CACNA2D3: variants seen among roughly 807,000 people sequenced by gnomAD.
The protein encoded by CACNA2D3 is calcium voltage-gated channel auxiliary subunit alpha2delta 3, also known as voltage-dependent calcium channel subunit alpha-2/delta-3.
Under a neutral mutation model 160.6 loss-of-function variants are expected in CACNA2D3, and 60 were observed. The observed-to-expected ratio is 0.37, with a 90% CI of 0.30 to 0.46. CACNA2D3 has a LOEUF of 0.46. Among genes scored for constraint, CACNA2D3 ranks in the 20% least tolerant of loss-of-function variants. CACNA2D3 has a pLI of 1.00. For missense variants in CACNA2D3, 1,205 were observed against 1,365.0 expected (o/e 0.88, Z 1.85); for synonymous variants, 558 against 492.9 (o/e 1.13, Z -1.75).
At chr3:55,011,306 C>T (rs1270000747) in intron 34 of CACNA2D3, among the ~76,000 whole-genome samples, 1 of 152,126 alleles carries the variant, frequency 6.6e-6, no homozygotes, top group African/African-American at 2.4e-5. Flanking sequence ...AGGACTGGGA[C>T]CCAATTTTGC....
At chr3:54,793,555 G>A (rs890955545) in intron 13 of CACNA2D3, among the ~76,000 whole-genome samples, 3 of 152,108 alleles carry the variant, frequency 2.0e-5, no homozygotes, top group Non-Finnish European at 4.4e-5. Flanking sequence ...GAGTAACGGG[G>A]TCAGGTTAGA....
intron 35 of CACNA2D3, among the ~76,000 whole-genome samples, chr3:55,020,717 G>C (rs1703429395): frequency 6.6e-6 from 1 of 151,884 alleles, no homozygotes; most frequent in Admixed American, 6.6e-5. Context: ...CAGGCATGGT[G>C]GCGGGCACCT....
At chr3:54,490,391 T>A (rs1471923848) in intron 4 of CACNA2D3, among the ~76,000 whole-genome samples, 1 of 152,180 alleles carries the variant, frequency 6.6e-6, no homozygotes, top group African/African-American at 2.4e-5. Flanking sequence ...TCCCGCTTCA[T>A]GAATGGAATG....
intron 1 of CACNA2D3, 84 bp downstream of exon 1, chr3:54,122,919 C>T: frequency 8.7e-7 from 1 of 1,145,958 alleles, no homozygotes; most frequent in Non-Finnish European, 1.1e-6. Flanking sequence ...CCTGCAGGTG[C>T]GGCTGGGCAG....
At chr3:55,004,947 A>C in intron 32 of CACNA2D3, 109 bp downstream of exon 32, 2 of 730,640 alleles carry the variant, frequency 2.7e-6, no homozygotes, top group Non-Finnish European at 4.5e-6. Flanking sequence ...TTGCAAAATC[A>C]TGAACATTTT....
At chr3:54,646,186 C>CCCTGCTTGCTTG (rs1559537958) in intron 11 of CACNA2D3, among the ~76,000 whole-genome samples, 1 of 6,470 alleles carries the variant, frequency 1.5e-4, no homozygotes, top group African/African-American at 4.0e-4. Context: ...CTCCCTCCCT[C>CCCTGCTTGCTTG]CTTCCTTGCT....
rs543264375 is a variant in CACNA2D3, at chr3:54,404,048, A to G, written c.381+17274A>G. Among the ~76,000 whole-genome samples the G allele has an allele frequency of 1.4e-4, 21 of 152,332 alleles. No homozygotes were observed. In the South Asian group the frequency reaches 4.1e-3, roughly 30 times the overall value. The stretch of plus-strand genomic sequence containing the variant: ...GACCAGATGGCTTTACGGCTGAATT[A>G]TACTACATTTTCAAACAAGAATTAC... On this transcript the variant is annotated intron_variant, in intron 4 of 37. Transcript: ENST00000474759.
chr3:54,429,152 A>G (rs1463111731), intron 4 of CACNA2D3, among the ~76,000 whole-genome samples: 1 of 152,214 alleles, frequency 6.6e-6, no homozygotes, highest in African/African-American at 2.4e-5. Flanking sequence ...GGCAGCTGCT[A>G]TAGATTTCCA....
intron 4 of CACNA2D3, among the ~76,000 whole-genome samples, chr3:54,462,687 T>C (rs1226577981): frequency 2.0e-5 from 3 of 152,072 alleles, no homozygotes; most frequent in African/African-American, 7.2e-5. Flanking sequence ...GTGAGATGGG[T>C]TTCCTGAATA....
Position 54,209,913 on chromosome 3 carries a change from C to T in CACNA2D3, c.204+86319C>T, listed in dbSNP as rs1364928038. ...GGAATCCCTTTAGAGATGAATGTTGCATGTGTATCTCTTTTAGTTTATGGG... is the reference window on the plus strand; with the variant it reads ...GGAATCCCTTTAGAGATGAATGTTGTATGTGTATCTCTTTTAGTTTATGGG... On this transcript the variant is annotated intron_variant, in intron 2 of 37. Coordinates refer to ENST00000474759, the MANE Select transcript of CACNA2D3 (RefSeq NM_018398.3). Among the ~76,000 whole-genome samples, 10 of 152,302 alleles carry T rather than the reference C, an allele frequency of 6.6e-5. No individual in the cohort carries two copies. In the East Asian group the frequency reaches 1.7e-3, roughly 26 times the overall value.
chr3:54,158,458 C>A (rs1190004742), intron 2 of CACNA2D3, among the ~76,000 whole-genome samples: 1 of 152,132 alleles, frequency 6.6e-6, no homozygotes, highest in African/African-American at 2.4e-5. Flanking sequence ...GTCCAGCCCA[C>A]CCCAGTGAGA....
At chr3:55,049,813 A>T (rs1704148041) in intron 35 of CACNA2D3, among the ~76,000 whole-genome samples, 1 of 150,612 alleles carries the variant, frequency 6.6e-6, no homozygotes. Flanking sequence ...TATATTTAGG[A>T]TAGTTAGCTC....
chr3:54,486,766 C>T (rs992575818), intron 4 of CACNA2D3, among the ~76,000 whole-genome samples: 2 of 152,134 alleles, frequency 1.3e-5, no homozygotes, highest in South Asian at 4.1e-4. Flanking sequence ...CTGTAATGGG[C>T]CAGCCTGGGT....
chr3:55,044,338 C>T (rs553477884), intron 35 of CACNA2D3, among the ~76,000 whole-genome samples: 22 of 152,224 alleles, frequency 1.4e-4, no homozygotes, highest in Admixed American at 7.2e-4. Context: ...AACGTTATAC[C>T]TATTTCTTGT....
intron 2 of CACNA2D3, among the ~76,000 whole-genome samples, chr3:54,175,279 T>C: frequency 6.6e-6 from 1 of 152,176 alleles, no homozygotes; most frequent in East Asian, 1.9e-4. Flanking sequence ...ATGGGGGATG[T>C]TTCCTCTGGC....
chr3:54,381,289 A>G (rs1311437483), intron 3 of CACNA2D3, among the ~76,000 whole-genome samples: 2 of 152,126 alleles, frequency 1.3e-5, no homozygotes, highest in Non-Finnish European at 2.9e-5. Context: ...AATTGTCCCT[A>G]CCGCCCATTT....
chr3:54,887,299 T>C (rs951715775), intron 23 of CACNA2D3, among the ~76,000 whole-genome samples: 5 of 152,030 alleles, frequency 3.3e-5, no homozygotes, highest in African/African-American at 1.2e-4. Context: ...TAGTGGCCTG[T>C]GCCTGTAATC....
intron 16 of CACNA2D3, among the ~76,000 whole-genome samples, chr3:54,843,301 A>G (rs1389147876): frequency 6.6e-6 from 1 of 152,168 alleles, no homozygotes; most frequent in Non-Finnish European, 1.5e-5. Context: ...CATAGTGATG[A>G]TGGTATGGAA....
At chr3:54,937,348 T>C (rs961247708) in intron 27 of CACNA2D3, among the ~76,000 whole-genome samples, 1 of 152,162 alleles carries the variant, frequency 6.6e-6, no homozygotes, top group Admixed American at 6.5e-5. Context: ...ATTATACCAC[T>C]ATGCAAATAC....
Sources: gnomAD v4.1 joint callset for allele counts (sites outside exome capture counted in the v4.1 genomes callset) on GRCh38, gnomAD v4.1.1 for gene constraint, MANE v1.5 for transcripts, NCBI Gene and HGNC (gene_info 2026-07-23, HGNC 2026-07-21) for gene names.